CCDC7: variants seen among roughly 807,000 people sequenced by gnomAD.
The protein encoded by CCDC7 is coiled-coil domain-containing protein 7.
CCDC7 carries 183 observed loss-of-function variants against 196.9 expected under a neutral mutation model. The ratio of observed to expected loss-of-function variants is 0.93; its 90% CI spans 0.82 to 1.05. The LOEUF (loss-of-function observed/expected upper bound fraction) is 1.05. Ranked by LOEUF, CCDC7 falls within the 50% of genes least tolerant of loss-of-function variation. The pLI is 0.00. For missense variants in CCDC7, 1,540 were observed against 1,482.2 expected, an observed-to-expected ratio of 1.04 and a Z score of -0.64; for synonymous variants, 525 against 484.6, an observed-to-expected ratio of 1.08 and a Z score of -1.10.
intron 30 of CCDC7, among the ~76,000 whole-genome samples, chr10:32,807,418 T>C (rs1017492311): frequency 6.6e-6 from 1 of 151,984 alleles, no homozygotes; most frequent in African/African-American, 2.4e-5. Flanking sequence ...GAGAGGGGGC[T>C]CCAAGATGAC....
intron 18 of CCDC7, among the ~76,000 whole-genome samples, chr10:32,624,156 T>A (rs1216648190): frequency 6.6e-6 from 1 of 152,150 alleles, no homozygotes; most frequent in East Asian, 1.9e-4. Flanking sequence ...ATATAAAAAA[T>A]TCAACCACTT....
chr10:32,497,936 C>G (rs1226741706), intron 9 of CCDC7, among the ~76,000 whole-genome samples: 2 of 151,998 alleles, frequency 1.3e-5, no homozygotes, highest in African/African-American at 4.8e-5. Flanking sequence ...GAGTTCAAGT[C>G]CTGGATATCC....
At chr10:32,585,142 C>T (rs17585199) in intron 18 of CCDC7, among the ~76,000 whole-genome samples, 11 of 151,302 alleles carry the variant, frequency 7.3e-5, no homozygotes, top group Non-Finnish European at 1.3e-4. Flanking sequence ...GGCATGATCT[C>T]GGCTCACTGC....
chr10:32,579,866 A>G (rs35561746), intron 16 of CCDC7, among the ~76,000 whole-genome samples: 52,475 of 151,860 alleles, frequency 0.35, 11,487 homozygotes, highest in Non-Finnish European at 0.5. Context: ...AAGGCTTCCA[A>G]TGGGGTTATT....
chr10:32,548,241 A>C (rs903791282), intron 13 of CCDC7, among the ~76,000 whole-genome samples: 2 of 152,082 alleles, frequency 1.3e-5, no homozygotes, highest in Admixed American at 1.3e-4. Context: ...CTAGGGTTGG[A>C]CCGCACAGTC....
At chr10:32,580,901 G>GA (rs887459938) in intron 16 of CCDC7, among the ~76,000 whole-genome samples, 13 of 149,618 alleles carry the variant, frequency 8.7e-5, no homozygotes, top group South Asian at 4.2e-4. Flanking sequence ...GTATTAGAAA[G>GA]AAAAAAAAAT....
At position 32,544,270 on chromosome 10, in the gene CCDC7, TTAAAA is replaced by T. The variant is rs2052033858; in HGVS notation, c.1109_1113del (p.Ile370ArgfsTer15). 2 of 1,608,304 alleles carry T rather than the reference TTAAAA, an allele frequency of 1.2e-6. No individual in the cohort carries two copies. Among genetic ancestry groups the T allele is most frequent in the Non-Finnish European group, 1.7e-6 (2 of 1,177,150 alleles). ...AGGAAGATGTCTCCAGAAAAAGAGT[TTAAAA>T]TAAAAGAAGATTTGGATCAAGTACA... On this transcript the variant is annotated frameshift_variant, in exon 13 of 42. Transcript: ENST00000639629. LOFTEE classifies it high-confidence loss of function.
intron 18 of CCDC7, among the ~76,000 whole-genome samples, chr10:32,633,740 G>A (rs866938162): frequency 2.0e-5 from 3 of 147,422 alleles, no homozygotes; most frequent in East Asian, 4.0e-4. Context: ...GTATATATAT[G>A]TGTGTGTGTG....
chr10:32,661,542 G>T (rs931196965), intron 20 of CCDC7, among the ~76,000 whole-genome samples: 5 of 152,098 alleles, frequency 3.3e-5, no homozygotes, highest in Non-Finnish European at 5.9e-5. Context: ...GCATACTACC[G>T]AGATCTTGCT....
chr10:32,506,408 G>A (rs890001891), intron 9 of CCDC7, among the ~76,000 whole-genome samples: 3 of 151,290 alleles, frequency 2.0e-5, no homozygotes, highest in East Asian at 3.9e-4. Flanking sequence ...CATCCCAGAC[G>A]ATGGGCAGCC....
intron 28 of CCDC7, among the ~76,000 whole-genome samples, chr10:32,758,273 CA>C (rs1297114711): frequency 3.3e-5 from 5 of 152,062 alleles, no homozygotes; most frequent in Non-Finnish European, 5.9e-5. Context: ...ATACTGATAC[CA>C]AAACCTGGCA....
intron 18 of CCDC7, among the ~76,000 whole-genome samples, chr10:32,606,040 G>A (rs1348622863): frequency 1.3e-5 from 2 of 152,186 alleles, no homozygotes; most frequent in East Asian, 3.9e-4. Flanking sequence ...AGAATGCCAG[G>A]CTCACGGCCC....
chr10:32,796,624 C>T (rs1184406205), intron 29 of CCDC7, among the ~76,000 whole-genome samples: 1 of 152,122 alleles, frequency 6.6e-6, no homozygotes, highest in East Asian at 1.9e-4. Flanking sequence ...ATTTGCCATG[C>T]CCAAAATGCT....
chr10:32,594,556 G>T (rs1000304705), intron 18 of CCDC7, among the ~76,000 whole-genome samples: 1 of 152,132 alleles, frequency 6.6e-6, no homozygotes, highest in African/African-American at 2.4e-5. Context: ...TCTCTTGCCT[G>T]ATTGCCCTGG....
intron 31 of CCDC7, among the ~76,000 whole-genome samples, chr10:32,816,331 C>G (rs1372008626): frequency 6.6e-6 from 1 of 152,192 alleles, no homozygotes; most frequent in Admixed American, 6.5e-5. Context: ...GTAAACAAAG[C>G]AGCCAGGAAG....
intron 21 of CCDC7, among the ~76,000 whole-genome samples, chr10:32,678,618 T>C (rs2075386116): frequency 6.6e-6 from 1 of 152,196 alleles, no homozygotes; most frequent in Non-Finnish European, 1.5e-5. Context: ...GCCATGCTGA[T>C]TCCCTGAGTG....
chr10:32,525,915 A>G (rs2048602356), intron 11 of CCDC7, among the ~76,000 whole-genome samples: 1 of 152,122 alleles, frequency 6.6e-6, no homozygotes, highest in Non-Finnish European at 1.5e-5. Flanking sequence ...GTGTTGTGCA[A>G]GCACCCCTGT....
At chr10:32,668,867 C>T (rs2073424131) in intron 21 of CCDC7, among the ~76,000 whole-genome samples, 1 of 152,068 alleles carries the variant, frequency 6.6e-6, no homozygotes, top group Non-Finnish European at 1.5e-5. Context: ...CTTCCCCCAT[C>T]CAATTTGAAT....
At chr10:32,868,588 T>A (rs1365343797) in intron 41 of CCDC7, among the ~76,000 whole-genome samples, 1 of 152,042 alleles carries the variant, frequency 6.6e-6, no homozygotes, top group South Asian at 2.1e-4. Flanking sequence ...TTTTTAATAC[T>A]TTAAGTTCTA....
Sources: allele counts gnomAD v4.1 joint callset (sites outside exome capture counted in the v4.1 genomes callset), GRCh38; gene constraint gnomAD v4.1.1; transcripts MANE v1.5; gene names NCBI Gene and HGNC (gene_info 2026-07-23, HGNC 2026-07-21).